Variants in ANXA4 observed in about 807,000 individuals in gnomAD.
The protein encoded by ANXA4 is 35-beta calcimedin.
Under a neutral mutation model 49.8 loss-of-function variants are expected in ANXA4, and 39 were observed. That is an observed-to-expected ratio of 0.78 (90% CI 0.61 to 1.02). The LOEUF is 1.02. ANXA4 is among the 50% of genes least tolerant of loss of function. The pLI is 0.00. For synonymous variants in ANXA4, 134 were observed against 152.5 expected, an observed-to-expected ratio of 0.88 and a Z score of 0.89; for missense variants, 360 against 410.1, an observed-to-expected ratio of 0.88 and a Z score of 1.05.
chr2:69,739,317 C>T (rs768090734), upstream of ANXA4, among the ~76,000 whole-genome samples: 2 of 152,106 alleles, frequency 1.3e-5, no homozygotes, highest in South Asian at 2.1e-4. Context: ...CACCTGTCCA[C>T]GTGCTTTCCA....
chr2:69,762,335 A>G (rs1057423039), intron 1 of ANXA4, among the ~76,000 whole-genome samples: 2 of 151,796 alleles, frequency 1.3e-5, no homozygotes, highest in African/African-American at 4.8e-5. Context: ...GCACTGAGCT[A>G]TGATAGTGCC....
chr2:69,673,747 CT>C (rs1677288954), intron 2 of ANXA4, among the ~76,000 whole-genome samples: 3 of 151,294 alleles, frequency 2.0e-5, no homozygotes, highest in East Asian at 3.9e-4. Flanking sequence ...GAGAAAAGTG[CT>C]GACCTGCAGC....
Position 69,765,639 on chromosome 2 carries a change from C to T in ANXA4, c.-46-15881C>T, listed in dbSNP as rs189355425. 3.0e-4 allele frequency among the ~76,000 whole-genome samples: 46 copies of T among 152,298 alleles called. No individual in the cohort carries two copies. In the East Asian group the frequency reaches 7.5e-3, roughly 25 times the overall value. On this transcript the variant is annotated intron_variant, in intron 1 of 12. Transcript: ENST00000394295. ...GCACTATATATTAGCTTTGTTCGTT[C>T]TAGCGTTTCATGTAAATACTTTGTT...
At chr2:69,717,907 A>G (rs1281885591) in intron 2 of ANXA4, among the ~76,000 whole-genome samples, 1 of 152,198 alleles carries the variant, frequency 6.6e-6, no homozygotes, top group Non-Finnish European at 1.5e-5. Flanking sequence ...AGAATGTTTC[A>G]GCAGGGGTCC....
In ANXA4 at chr2:69,781,529, T is replaced by C; in HGVS notation, c.-37T>C. On this transcript the variant is annotated 5_prime_UTR_variant, in exon 2 of 13. Transcript: ENST00000394295. ...TCTGCTTTTATCACAGAAGAACTTC[T>C]GCTTGGGTGGCTGAACTCTGATCTT... 1 of 1,613,644 alleles carries C rather than the reference T, an allele frequency of 6.2e-7. No homozygotes were observed. The highest frequency in any genetic ancestry group is 1.1e-5 in the South Asian group (1 of 90,962).
intron 1 of ANXA4, among the ~76,000 whole-genome samples, chr2:69,762,501 AT>A (rs1173071072): frequency 6.6e-6 from 1 of 152,126 alleles, no homozygotes; most frequent in African/African-American, 2.4e-5. Context: ...GCCTGGTCTA[AT>A]TCCCAGTTGC....
chr2:69,815,811 G>A (rs1394550016), intron 8 of ANXA4: 2 of 335,976 alleles, frequency 6.0e-6, no homozygotes, highest in African/African-American at 2.0e-5. Context: ...AACTGTAGGG[G>A]ACAGCCCAAA....
chr2:69,804,557 G>A lies in ANXA4; in HGVS notation c.122G>A (p.Ser41Asn), dbSNP rs757681155. The A allele has an allele frequency of 2.5e-6, 4 of 1,613,876 alleles. No individual in the cohort carries two copies. The Admixed American group carries it at 6.7e-5, about 27-fold the overall frequency. ...GLGTDEDAII[S>N]VLAYRNTAQR... is the part of the protein sequence containing the mutation. ...GGCACCGATGAAGACGCCATTATTA[G>A]CGTCCTTGCCTACCGCAACACCGCC... Residue 41 changes from serine to asparagine, a missense_variant, in exon 4 of 13, where the codon AGC becomes AAC. Transcript: ENST00000394295.
intron 2 of ANXA4, among the ~76,000 whole-genome samples, chr2:69,676,027 G>GATA (rs1008375536): frequency 9.4e-5 from 14 of 149,088 alleles, no homozygotes; most frequent in African/African-American, 2.7e-4. Flanking sequence ...AAATAATAAT[G>GATA]ATAATAATAA....
chr2:69,686,189 TTTG>T (rs1455693848), intron 2 of ANXA4, among the ~76,000 whole-genome samples: 1 of 152,034 alleles, frequency 6.6e-6, no homozygotes, highest in Non-Finnish European at 1.5e-5. Context: ...TTTGTTTTGT[TTTG>T]TTTTGTTTTT....
intron 2 of ANXA4, among the ~76,000 whole-genome samples, chr2:69,682,187 A>G (rs981463343): frequency 1.3e-5 from 2 of 152,114 alleles, no homozygotes; most frequent in African/African-American, 4.8e-5. Flanking sequence ...AGGCATCTTT[A>G]GATCATTTAT....
intron 2 of ANXA4, among the ~76,000 whole-genome samples, chr2:69,782,825 A>G (rs1171176324): frequency 1.3e-5 from 2 of 152,204 alleles, no homozygotes; most frequent in African/African-American, 2.4e-5. Flanking sequence ...CACTCGGAGA[A>G]AATTACCTCA....
chr2:69,680,355 A>G (rs1677553305), intron 2 of ANXA4, among the ~76,000 whole-genome samples: 1 of 152,198 alleles, frequency 6.6e-6, no homozygotes, highest in Admixed American at 6.5e-5. Flanking sequence ...TTGATTTTGT[A>G]TCCTGCAAAT....
At chr2:69,740,062 G>A (rs564571338), upstream of ANXA4, among the ~76,000 whole-genome samples, 5 of 152,168 alleles carry the variant, frequency 3.3e-5, no homozygotes, top group South Asian at 8.3e-4. Flanking sequence ...TGGTCTGAGC[G>A]CAGATGTCAG....
intron 2 of ANXA4, among the ~76,000 whole-genome samples, chr2:69,691,603 G>A (rs1320580152): frequency 6.7e-6 from 1 of 150,030 alleles, no homozygotes; most frequent in Non-Finnish European, 1.5e-5. Context: ...ACACACAGAC[G>A]CATGCACATA....
chr2:69,718,837 C>T (rs142363599), intron 2 of ANXA4, among the ~76,000 whole-genome samples: 8 of 152,210 alleles, frequency 5.3e-5, no homozygotes, highest in Non-Finnish European at 1.2e-4. Context: ...CACACATATA[C>T]ATGCACACAC....
intron 3 of ANXA4, among the ~76,000 whole-genome samples, chr2:69,793,432 C>T (rs1299772283): frequency 1.3e-5 from 2 of 151,930 alleles, no homozygotes. Flanking sequence ...TTTACTTTTC[C>T]CTTAAAAATG....
At chr2:69,724,889 T>G (rs1669919790) in intron 3 of ANXA4, among the ~76,000 whole-genome samples, 1 of 152,056 alleles carries the variant, frequency 6.6e-6, no homozygotes, top group African/African-American at 2.4e-5. Flanking sequence ...GAGAGGAAGC[T>G]GGGTTGCAGC....
chr2:69,748,203 G>A lies in ANXA4; in HGVS notation c.-47+6028G>A, dbSNP rs937206407. Among the ~76,000 whole-genome samples, 8 of 151,748 alleles carry A rather than the reference G, an allele frequency of 5.3e-5. No homozygotes were observed. In the South Asian group the frequency reaches 6.2e-4, roughly 12 times the overall value. The stretch of plus-strand genomic sequence containing the variant: ...ATCCTGGCTAACATGGTGAAACCCC[G>A]TCTCTACTAAAAAAATACAAAAAAA... On this transcript the variant is annotated intron_variant, in intron 1 of 12. Coordinates refer to ENST00000394295, the MANE Select transcript of ANXA4 (RefSeq NM_001153.5).
Sources: allele counts gnomAD v4.1 joint callset (sites outside exome capture counted in the v4.1 genomes callset), GRCh38; gene constraint gnomAD v4.1.1; transcripts MANE v1.5; gene names NCBI Gene and HGNC (gene_info 2026-07-23, HGNC 2026-07-21).